The following ITGA8 variants were observed in gnomAD, a reference collection of about 807,000 sequenced individuals.
The protein encoded by ITGA8 is integrin alpha-8.
ITGA8 carries 91 observed loss-of-function variants against 142.3 expected under a neutral mutation model. That is an observed-to-expected ratio of 0.64 (90% CI 0.54 to 0.76). ITGA8 has a LOEUF of 0.76. Among genes scored for constraint, ITGA8 ranks in the 30% least tolerant of loss-of-function variants. The pLI, the probability that ITGA8 is intolerant of heterozygous loss-of-function variation, is 0.00. For missense variants in ITGA8, 1,406 were observed against 1,327.7 expected (o/e 1.06, Z -0.92); for synonymous variants, 505 against 485.2 (o/e 1.04, Z -0.54).
At chr10:15,656,771 C>A (rs1834193390) in intron 10 of ITGA8, among the ~76,000 whole-genome samples, 1 of 152,150 alleles carries the variant, frequency 6.6e-6, no homozygotes, top group African/African-American at 2.4e-5. Context: ...TTCAGGTTGC[C>A]AGTTTGCTTC....
chr10:15,706,404 C>T (rs976549158), intron 2 of ITGA8, among the ~76,000 whole-genome samples: 2 of 152,122 alleles, frequency 1.3e-5, no homozygotes, highest in South Asian at 4.2e-4. Context: ...TTGCTTGCTT[C>T]TGCTCTTCCT....
intron 24 of ITGA8, among the ~76,000 whole-genome samples, chr10:15,574,212 T>C (rs149843297): frequency 6.6e-6 from 1 of 152,338 alleles, no homozygotes; most frequent in African/African-American, 2.4e-5. Context: ...ATGCCTGAAA[T>C]GGGAAAAGAA....
Position 15,688,712 on chromosome 10 carries a change from G to A in ITGA8, c.344-674C>T, listed in dbSNP as rs150079064. 2.2e-4 allele frequency among the ~76,000 whole-genome samples: 33 copies of A among 152,216 alleles called. 1 individual carries two copies. Among genetic ancestry groups the A allele is most frequent in the African/African-American group, 7.5e-4 (31 of 41,520 alleles). On this transcript the variant is annotated intron_variant, in intron 2 of 29. Coordinates refer to ENST00000378076, the MANE Select transcript of ITGA8 (RefSeq NM_003638.3). The stretch of plus-strand genomic sequence containing the variant: ...AGGTCAACATAGCAAATCAATACAC[G>A]TGCTACCCCACATTAATGAGATGAA...
At chr10:15,627,719 T>G (rs1465620454) in intron 13 of ITGA8, among the ~76,000 whole-genome samples, 4 of 152,146 alleles carry the variant, frequency 2.6e-5, no homozygotes. Flanking sequence ...ACCTGGACCC[T>G]CAGCCTTGGA....
At chr10:15,525,034 G>A (rs1047734979) in intron 28 of ITGA8, among the ~76,000 whole-genome samples, 3 of 151,598 alleles carry the variant, frequency 2.0e-5, no homozygotes, top group Non-Finnish European at 2.9e-5. Context: ...TTGGAGACAG[G>A]GTCTTGCTCT....
chr10:15,666,179 C>A (rs962138940), intron 8 of ITGA8, among the ~76,000 whole-genome samples: 52 of 152,202 alleles, frequency 3.4e-4, no homozygotes, highest in Admixed American at 5.2e-4. Context: ...TTGTTTGTAT[C>A]CTCTTTTATT....
intron 2 of ITGA8, 71 bp downstream of exon 2, chr10:15,718,695 A>C: frequency 1.3e-6 from 2 of 1,579,182 alleles, no homozygotes; most frequent in South Asian, 1.1e-5. Flanking sequence ...AGACAGCGGG[A>C]AGTCGCCTCT....
At chr10:15,619,998 CA>C (rs775174677) in intron 13 of ITGA8, among the ~76,000 whole-genome samples, 3 of 152,154 alleles carry the variant, frequency 2.0e-5, no homozygotes, top group African/African-American at 7.2e-5. Context: ...CTGGAAATGG[CA>C]AAGAAAATAA....
intron 20 of ITGA8, among the ~76,000 whole-genome samples, chr10:15,601,188 A>G (rs1833098543): frequency 6.6e-6 from 1 of 152,054 alleles, no homozygotes; most frequent in East Asian, 1.9e-4. Context: ...GTAGTGAGCC[A>G]AGATCATGCC....
chr10:15,711,328 T>C (rs1299056779), intron 2 of ITGA8, among the ~76,000 whole-genome samples: 2 of 152,140 alleles, frequency 1.3e-5, no homozygotes, highest in Non-Finnish European at 2.9e-5. Context: ...GGGATCTTTG[T>C]CTTTACACCC....
chr10:15,634,412 CTATTATTAGG>C (rs928090967), intron 13 of ITGA8, among the ~76,000 whole-genome samples: 3 of 151,634 alleles, frequency 2.0e-5, no homozygotes, highest in African/African-American at 7.3e-5. Context: ...AAGGAAAAAG[CTATTATTAGG>C]TATTATTATA....
At chr10:15,718,354 C>T (rs1198231278) in intron 2 of ITGA8, among the ~76,000 whole-genome samples, 6 of 152,152 alleles carry the variant, frequency 3.9e-5, no homozygotes, top group Non-Finnish European at 8.8e-5. Context: ...GTCCTGCCTC[C>T]CGAGCTTGGG....
At chr10:15,699,968 C>T (rs1238942750) in intron 2 of ITGA8, among the ~76,000 whole-genome samples, 3 of 152,064 alleles carry the variant, frequency 2.0e-5, no homozygotes, top group African/African-American at 7.2e-5. Flanking sequence ...CTGTGAAGTG[C>T]CAGTTTATAT....
rs1834269809 is a variant in ITGA8 at position 15,660,759 on chromosome 10, T to C, written c.891+120A>G. The stretch of plus-strand genomic sequence containing the variant: ...ATGATGTTCGGTGGATTAGGTGTAT[T>C]AAGTGTGTTTTCAACTGACAGTATT... On this transcript the variant is annotated intron_variant, in intron 9 of 29. Transcript: ENST00000378076. 5.1e-6 allele frequency: 4 copies of C among 788,894 alleles called. No homozygotes were observed. The South Asian group carries it at 6.6e-5, about 13-fold the overall frequency. The allele number at this position is 788,894 out of a possible 1,614,324, so 48.9% of individuals were successfully genotyped here.
At chr10:15,642,896 T>C (rs1487471972) in intron 13 of ITGA8, among the ~76,000 whole-genome samples, 1 of 152,136 alleles carries the variant, frequency 6.6e-6, no homozygotes, top group African/African-American at 2.4e-5. Context: ...TAGCTCTACA[T>C]ATGGAAAATT....
chr10:15,713,292 G>C (rs1285854462), intron 2 of ITGA8, among the ~76,000 whole-genome samples: 1 of 152,216 alleles, frequency 6.6e-6, no homozygotes. Flanking sequence ...TCAGGACTTA[G>C]CAGAGGAAGA....
In ITGA8 at chr10:15,684,011, G is replaced by A. The variant is rs1245342049; in HGVS notation, c.561C>T (p.Cys187=). 5 of 1,613,958 alleles carry A rather than the reference G, an allele frequency of 3.1e-6. No individual in the cohort carries two copies. Among genetic ancestry groups the A allele is most frequent in the African/African-American group, 1.3e-5 (1 of 74,922 alleles). The change falls in exon 4 of 30, where the codon TGC becomes TGT. Residue 187 remains cysteine, a synonymous_variant. Transcript: ENST00000378076. ...NFSAYAEFSP[C]RNSNADPEGQ... ...GGAATAAAAGTTGCTTACTGTTCCG[G>A]CAAGGAGAGAACTCGGCATAGGCGC...
chr10:15,551,788 A>T (rs906967212), intron 26 of ITGA8, among the ~76,000 whole-genome samples: 13 of 152,212 alleles, frequency 8.5e-5, no homozygotes, highest in Admixed American at 7.9e-4. Context: ...TAAACTTCGC[A>T]TAATCACTTT....
rs562827386 is a variant in ITGA8 at position 15,613,665 on chromosome 10, A to G, written c.1548T>C (p.Ala516=). The part of the protein sequence containing the change: ...TCQVPDSMTS[A]ACFSLRVCAS... ...GAAGCACCGGACTAACTCACCAGGC[A>G]GCAGATGTCATAGAGTCTGGAACCT... Residue 516 remains alanine (A), a synonymous_variant, in exon 15 of 30, where the codon GCT becomes GCC. Transcript: ENST00000378076. 52 of 1,604,494 alleles carry G rather than the reference A, an allele frequency of 3.2e-5. No homozygotes were observed. The East Asian group carries it at 9.8e-4, about 30-fold the overall frequency.
Sources: allele counts gnomAD v4.1 joint callset (sites outside exome capture counted in the v4.1 genomes callset), GRCh38; gene constraint gnomAD v4.1.1; transcripts MANE v1.5; gene names NCBI Gene and HGNC (gene_info 2026-07-23, HGNC 2026-07-21).